Variants in MACROD2 observed in about 807,000 individuals in gnomAD.
MACROD2 encodes the protein ADP-ribose glycohydrolase MACROD2.
Under a neutral mutation model 70.4 loss-of-function variants are expected in MACROD2, and 36 were observed. The ratio of observed to expected loss-of-function variants is 0.51; its 90% CI spans 0.39 to 0.68. The LOEUF (loss-of-function observed/expected upper bound fraction) is 0.68, where lower values mean the gene tolerates loss of function less well. Ranked by LOEUF, MACROD2 falls within the 30% of genes least tolerant of loss-of-function variation. MACROD2 has a pLI of 0.00. For missense variants in MACROD2, 496 were observed against 538.4 expected (o/e 0.92, Z 0.78); for synonymous variants, 172 against 178.8 (o/e 0.96, Z 0.30).
At chr20:15,643,481 A>G (rs2049493132) in intron 8 of MACROD2, among the ~76,000 whole-genome samples, 1 of 152,122 alleles carries the variant, frequency 6.6e-6, no homozygotes, top group South Asian at 2.1e-4. Context: ...CTTCTATCAG[A>G]TTTCAGTCTC....
intron 9 of MACROD2, among the ~76,000 whole-genome samples, chr20:15,869,540 C>G (rs1354145516): frequency 6.6e-6 from 1 of 151,548 alleles, no homozygotes; most frequent in Non-Finnish European, 1.5e-5. Context: ...AATGATAAAC[C>G]TTATAAAATT....
Position 15,007,662 on chromosome 20 carries a change from C to T in MACROD2, c.419-222278C>T, listed in dbSNP as rs536308344. On this transcript the variant is annotated intron_variant, in intron 5 of 17. Transcript: ENST00000684519. ...TTAAAAAGGGCAGGAGGATGAGACT[C>T]TTTTCTGGCCTGCCAGGAATGACTC... is the stretch of plus-strand genomic sequence containing the variant. 2.9e-3 allele frequency among the ~76,000 whole-genome samples: 447 copies of T among 152,334 alleles called. 4 individuals are homozygous for T. Among genetic ancestry groups the T allele is most frequent in the Non-Finnish European group, 4.5e-3 (304 of 68,032 alleles).
intron 3 of MACROD2, among the ~76,000 whole-genome samples, chr20:14,415,870 A>G (rs531932456): frequency 6.6e-6 from 1 of 152,152 alleles, no homozygotes; most frequent in East Asian, 1.9e-4. Context: ...GCTGCAACCC[A>G]TAGTTTCTGC....
intron 8 of MACROD2, among the ~76,000 whole-genome samples, chr20:15,703,418 C>G (rs2050488709): frequency 6.6e-6 from 1 of 152,144 alleles, no homozygotes; most frequent in Admixed American, 6.5e-5. Context: ...TCACTTCACT[C>G]TTGTAATTCT....
At chr20:15,975,751 A>C (rs1183042203) in intron 13 of MACROD2, among the ~76,000 whole-genome samples, 1 of 152,236 alleles carries the variant, frequency 6.6e-6, no homozygotes, top group Non-Finnish European at 1.5e-5. Context: ...CACAATTCTC[A>C]ATGCTTATAT....
chr20:15,260,035 G>A (rs2077234676), intron 6 of MACROD2, among the ~76,000 whole-genome samples: 1 of 151,570 alleles, frequency 6.6e-6, no homozygotes, highest in Non-Finnish European at 1.5e-5. Flanking sequence ...TATGTATGTG[G>A]TACATGTTAT....
intron 8 of MACROD2, among the ~76,000 whole-genome samples, chr20:15,667,054 G>A (rs2146828346): frequency 6.6e-6 from 1 of 152,194 alleles, no homozygotes; most frequent in East Asian, 1.9e-4. Flanking sequence ...CTATCTGTCT[G>A]ATATAGTTTG....
intron 5 of MACROD2, among the ~76,000 whole-genome samples, chr20:15,184,386 A>G (rs546817925): frequency 1.3e-5 from 2 of 152,244 alleles, no homozygotes; most frequent in South Asian, 2.1e-4. Context: ...TTTTACCCAC[A>G]TGTGTCAGTC....
At chr20:16,012,255 G>T (rs1421732645) in intron 15 of MACROD2, among the ~76,000 whole-genome samples, 1 of 152,146 alleles carries the variant, frequency 6.6e-6, no homozygotes, top group Non-Finnish European at 1.5e-5. Context: ...CTTCCTCTGG[G>T]TCTTTGGCCT....
chr20:14,898,623 T>G (rs577894467), intron 5 of MACROD2, among the ~76,000 whole-genome samples: 26 of 152,254 alleles, frequency 1.7e-4, no homozygotes, highest in African/African-American at 5.3e-4. Flanking sequence ...TTAGCTGGGC[T>G]ATAGTCTGGG....
chr20:14,822,110 T>A (rs2072852346), intron 5 of MACROD2, among the ~76,000 whole-genome samples: 1 of 152,080 alleles, frequency 6.6e-6, no homozygotes, highest in African/African-American at 2.4e-5. Flanking sequence ...ACCATAGACC[T>A]TTTAGAAGTG....
chr20:15,999,814 T>G (rs2066684591), intron 15 of MACROD2, among the ~76,000 whole-genome samples: 1 of 152,232 alleles, frequency 6.6e-6, no homozygotes, highest in Admixed American at 6.5e-5. Flanking sequence ...CAGCCCAAGC[T>G]GTCAATAAAA....
intron 5 of MACROD2, among the ~76,000 whole-genome samples, chr20:15,120,984 A>G (rs2076025940): frequency 6.6e-6 from 1 of 152,104 alleles, no homozygotes; most frequent in Non-Finnish European, 1.5e-5. Context: ...GTCTGCTGAT[A>G]TTGATTCTTT....
chr20:14,585,050 G>A (rs559018723), intron 4 of MACROD2, among the ~76,000 whole-genome samples: 1 of 152,140 alleles, frequency 6.6e-6, no homozygotes, highest in Non-Finnish European at 1.5e-5. Context: ...CCTTAGTTGT[G>A]GACTGATGTA....
intron 5 of MACROD2, among the ~76,000 whole-genome samples, chr20:15,134,052 G>A (rs2076126968): frequency 6.7e-6 from 1 of 149,784 alleles, no homozygotes; most frequent in Non-Finnish European, 1.5e-5. Flanking sequence ...GAATACAGGT[G>A]CCCGCCACCT....
intron 4 of MACROD2, among the ~76,000 whole-genome samples, chr20:14,585,626 A>G (rs1050323459): frequency 1.3e-5 from 2 of 152,146 alleles, no homozygotes; most frequent in South Asian, 2.1e-4. Context: ...ACTACTGCCA[A>G]TAATCAATAA....
intron 5 of MACROD2, among the ~76,000 whole-genome samples, chr20:15,146,289 C>G (rs540802616): frequency 1.4e-4 from 21 of 152,202 alleles, no homozygotes; most frequent in Non-Finnish European, 2.6e-4. Flanking sequence ...TTGGTAATTA[C>G]TGAAATCTTT....
intron 5 of MACROD2, among the ~76,000 whole-genome samples, chr20:15,207,435 G>GTTT (rs1568636954): frequency 2.2e-4 from 15 of 69,400 alleles, no homozygotes; most frequent in Admixed American, 6.3e-4. Flanking sequence ...GTTTGTTTCT[G>GTTT]GTTTTTTTTT....
chr20:15,297,103 G>C (rs539497886), intron 6 of MACROD2, among the ~76,000 whole-genome samples: 1 of 152,112 alleles, frequency 6.6e-6, no homozygotes. Context: ...TTCTGCTTTC[G>C]TCCTCTGCTG....
Sources: allele counts gnomAD v4.1 joint callset (sites outside exome capture counted in the v4.1 genomes callset), GRCh38; gene constraint gnomAD v4.1.1; transcripts MANE v1.5; gene names NCBI Gene and HGNC (gene_info 2026-07-23, HGNC 2026-07-21).